Variants in KIAA1217 observed in about 807,000 individuals in gnomAD.
KIAA1217 encodes sickle tail protein homolog.
Under a neutral mutation model 163.9 loss-of-function variants are expected in KIAA1217, and 88 were observed. The observed-to-expected ratio is 0.54, with a 90% CI of 0.45 to 0.64. The LOEUF is 0.64. Ranked by LOEUF, KIAA1217 falls within the 30% of genes least tolerant of loss-of-function variation. The probability of loss-of-function intolerance (pLI) is 0.00; values close to 1 mark genes in which losing one functional copy is unlikely to be tolerated. For synonymous variants in KIAA1217, 903 were observed against 923.1 expected (o/e 0.98, Z 0.39); for missense variants, 2,372 against 2,475.0 (o/e 0.96, Z 0.88).
intron 1 of KIAA1217, among the ~76,000 whole-genome samples, chr10:23,824,658 A>AAAAAAAAT (rs1837805755): frequency 2.3e-4 from 12 of 53,040 alleles, no homozygotes; most frequent in East Asian, 1.0e-3. Flanking sequence ...AAATAAAAAA[A>AAAAAAAAT]ATATATATAT....
intron 2 of KIAA1217, among the ~76,000 whole-genome samples, chr10:24,177,960 GA>G (rs1342942918): frequency 6.6e-6 from 1 of 152,230 alleles, no homozygotes; most frequent in Non-Finnish European, 1.5e-5. Flanking sequence ...TGTGTGTACA[GA>G]TAGCACCAGG....
chr10:23,970,474 G>A (rs1007132091), intron 1 of KIAA1217, among the ~76,000 whole-genome samples: 6 of 152,186 alleles, frequency 3.9e-5, no homozygotes, highest in Non-Finnish European at 7.3e-5. Flanking sequence ...TGGTTACCAG[G>A]AGCTGGGCGA....
At chr10:24,205,188 C>T (rs182503238), upstream of KIAA1217, among the ~76,000 whole-genome samples, 57 of 151,800 alleles carry the variant, frequency 3.8e-4, no homozygotes, top group Non-Finnish European at 3.8e-4. Context: ...CAGTGGCTCA[C>T]GCCTGTAATC....
chr10:24,375,271 A>G (rs1020789155), intron 2 of KIAA1217, among the ~76,000 whole-genome samples: 1 of 152,056 alleles, frequency 6.6e-6, no homozygotes, highest in African/African-American at 2.4e-5. Context: ...CTTCCTTCCC[A>G]CCCTTAGTCC....
chr10:24,105,115 G>A (rs2062573826), intron 2 of KIAA1217, among the ~76,000 whole-genome samples: 1 of 152,112 alleles, frequency 6.6e-6, no homozygotes, highest in Non-Finnish European at 1.5e-5. Context: ...TTATGTAACT[G>A]TAGAGATGCA....
intron 9 of KIAA1217, among the ~76,000 whole-genome samples, chr10:24,504,257 T>C (rs553994883): frequency 6.6e-6 from 1 of 152,348 alleles, no homozygotes; most frequent in South Asian, 2.1e-4. Flanking sequence ...TACTCAACTT[T>C]TCTGGCTTTC....
chr10:24,335,295 T>G (rs2046196935), intron 2 of KIAA1217, among the ~76,000 whole-genome samples: 1 of 59,718 alleles, frequency 1.7e-5, no homozygotes, highest in Non-Finnish European at 4.2e-5. Flanking sequence ...GCAAGGAGGG[T>G]TTTTTTTTTT....
chr10:24,173,064 A>G (rs963841232), intron 2 of KIAA1217, among the ~76,000 whole-genome samples: 16 of 152,318 alleles, frequency 1.1e-4, no homozygotes, highest in African/African-American at 3.8e-4. Flanking sequence ...GCAGGCCAGC[A>G]AGTGAAGTTT....
intron 1 of KIAA1217, among the ~76,000 whole-genome samples, chr10:23,778,949 A>G (rs908224848): frequency 6.8e-6 from 1 of 146,716 alleles, no homozygotes; most frequent in Non-Finnish European, 1.5e-5. Flanking sequence ...TTATATGACT[A>G]TACAACTATT....
chr10:24,432,622 ATTT>A (rs61444543), intron 3 of KIAA1217, among the ~76,000 whole-genome samples: 2 of 149,438 alleles, frequency 1.3e-5, no homozygotes, highest in Admixed American at 6.7e-5. Context: ...CACCCAGCTA[ATTT>A]TTTTTTTTCC....
At chr10:23,780,214 A>T (rs1412293944) in intron 1 of KIAA1217, among the ~76,000 whole-genome samples, 1 of 152,220 alleles carries the variant, frequency 6.6e-6, no homozygotes, top group Admixed American at 6.5e-5. Flanking sequence ...TGAAATGGTG[A>T]GTACAGTTGC....
At chr10:24,416,679 G>A (rs75390178) in intron 3 of KIAA1217, among the ~76,000 whole-genome samples, 1 of 152,128 alleles carries the variant, frequency 6.6e-6, no homozygotes, top group Admixed American at 6.5e-5. Flanking sequence ...TTGTGGGCTG[G>A]ATCATGTGAT....
At chr10:24,086,179 A>C (rs1564682794) in intron 2 of KIAA1217, among the ~76,000 whole-genome samples, 1 of 152,140 alleles carries the variant, frequency 6.6e-6, no homozygotes, top group Non-Finnish European at 1.5e-5. Context: ...AGGCTTTAAA[A>C]GGAGATTACT....
intron 2 of KIAA1217, among the ~76,000 whole-genome samples, chr10:24,321,747 T>A (rs942212012): frequency 2.0e-5 from 3 of 152,076 alleles, no homozygotes. Context: ...AGAATGGTGA[T>A]TGCCAGGGGC....
intron 1 of KIAA1217, among the ~76,000 whole-genome samples, chr10:23,741,404 A>G (rs1316786307): frequency 1.3e-5 from 2 of 151,694 alleles, no homozygotes; most frequent in Admixed American, 1.3e-4. Context: ...TTTTCTGCTT[A>G]TGCCTTTTGA....
Position 23,959,431 on chromosome 10 carries a change from G to A in KIAA1217, c.-320-47794G>A, listed in dbSNP as rs147634017. 2.5e-3 allele frequency among the ~76,000 whole-genome samples: 381 copies of A among 152,278 alleles called. 2 individuals carry two copies. Among genetic ancestry groups the A allele is most frequent in the African/African-American group, 8.3e-3 (343 of 41,554 alleles). On this transcript the variant is annotated intron_variant, in intron 1 of 18. Transcript: ENST00000376462. ...CCAGCTACTCTGGAGGCTGAGGCAG[G>A]AGGATCGCTTGAGCCCAGGAGTTCA...
intron 1 of KIAA1217, among the ~76,000 whole-genome samples, chr10:23,772,201 C>T (rs1032842998): frequency 1.3e-5 from 2 of 152,290 alleles, no homozygotes; most frequent in African/African-American, 2.4e-5. Flanking sequence ...ATGCTCTTGA[C>T]ACTTGGAGCC....
chr10:23,742,905 G>C (rs1404207528), intron 1 of KIAA1217, among the ~76,000 whole-genome samples: 3 of 152,018 alleles, frequency 2.0e-5, no homozygotes, highest in Non-Finnish European at 4.4e-5. Flanking sequence ...GGGTTCAGGG[G>C]AGATCTGATT....
At chr10:23,897,917 A>G (rs911988927) in intron 1 of KIAA1217, among the ~76,000 whole-genome samples, 5 of 152,082 alleles carry the variant, frequency 3.3e-5, no homozygotes, top group Admixed American at 3.3e-4. Flanking sequence ...TTGATAGTAA[A>G]CAATTTTTAA....
Sources: gnomAD v4.1 joint callset for allele counts (sites outside exome capture counted in the v4.1 genomes callset) on GRCh38, gnomAD v4.1.1 for gene constraint, MANE v1.5 for transcripts, NCBI Gene and HGNC (gene_info 2026-07-23, HGNC 2026-07-21) for gene names.